Variants in SHC2 observed in about 807,000 individuals in gnomAD.
The protein encoded by SHC2 is SHC-transforming protein 2.
A neutral mutation model predicts 60.6 loss-of-function variants in SHC2; 62 were observed. The ratio of observed to expected loss-of-function variants is 1.02; its 90% CI spans 0.83 to 1.26. The LOEUF is 1.26. Among genes scored for constraint, SHC2 ranks in the 50% most tolerant of loss-of-function variants. The pLI, the probability that SHC2 is intolerant of heterozygous loss-of-function variation, is 0.00. For missense variants in SHC2, 873 were observed against 822.2 expected (o/e 1.06, Z -0.76); for synonymous variants, 375 against 372.4 (o/e 1.01, Z -0.08).
chr19:454,684 G>A (rs957281251), intron 1 of SHC2, among the ~76,000 whole-genome samples: 14 of 152,200 alleles, frequency 9.2e-5, no homozygotes, highest in African/African-American at 2.9e-4. Context: ...CAGCTACTCA[G>A]GAGGCTGAGG....
Position 422,281 on chromosome 19 carries a change from C to A in SHC2, c.1485G>T (p.Arg495=). 1 of 1,612,414 alleles carries A rather than the reference C, an allele frequency of 6.2e-7. No homozygotes were observed. The highest frequency in any genetic ancestry group is 8.5e-7 in the Non-Finnish European group (1 of 1,179,678). Residue 495 remains arginine, a synonymous_variant, in exon 11 of 13, where the codon CGG becomes CGT. Transcript: ENST00000264554. This position sits in a 1 kb window ranked among gnomAD's most constrained non-coding sequence, Gnocchi z 5.0. ...CAGCTCGAAGCATCCTCTCTGCCGC[C>A]CGGCGGCTCATCCGGCCGTGGTACC... ...EPWYHGRMSR[R]AAERMLRADG...
Position 425,023 on chromosome 19 carries a change from G to T in SHC2, c.1309+74C>A. On this transcript the variant is annotated intron_variant, in intron 10 of 12. Transcript: ENST00000264554. This position sits in a 1 kb window ranked among gnomAD's most constrained non-coding sequence, Gnocchi z 4.1. ...GACCAGGGAATCCCGTAGGGAGTGG[G>T]GGTGGGGTTGTGCCTCCCCCATCAG... The T allele has an allele frequency of 7.6e-7, 1 of 1,308,952 alleles. No individual in the cohort carries two copies. Among genetic ancestry groups the T allele is most frequent in the Non-Finnish European group, 9.9e-7 (1 of 1,007,966 alleles). 81.1% of individuals were successfully genotyped at this position (1,308,952 alleles called of 1,614,324 possible).
Position 436,063 on chromosome 19 carries a change from G to A in SHC2, c.953+102C>T, listed in dbSNP as rs978331267. ...TCACGGGACAGGGAGGGAGGGACAAGGGCAGGACGGAGGCTGAGGCCTGCA... is the reference window on the plus strand; with the variant it reads ...TCACGGGACAGGGAGGGAGGGACAAAGGCAGGACGGAGGCTGAGGCCTGCA... On this transcript the variant is annotated intron_variant, in intron 7 of 12. Transcript: ENST00000264554. The A allele has an allele frequency of 3.1e-6, 4 of 1,302,734 alleles. No homozygotes were observed. The African/African-American group carries it at 5.8e-5, about 19-fold the overall frequency. The allele number at this position is 1,302,734 out of a possible 1,614,324, so 80.7% of individuals were successfully genotyped here.
rs549557507 is a variant in SHC2, at chr19:444,873, G to A, written c.469-3941C>T. 1.2e-4 allele frequency among the ~76,000 whole-genome samples: 18 copies of A among 152,346 alleles called. No individual in the cohort carries two copies. In the South Asian group the frequency reaches 3.5e-3, roughly 30 times the overall value. On this transcript the variant is annotated intron_variant, in intron 1 of 12. Coordinates refer to ENST00000264554, the MANE Select transcript of SHC2 (RefSeq NM_012435.3). ...CACGTGGTCTGTTAATCCACTCCAC[G>A]CAAATCCACATGCCATGGGCAGCAA... is the stretch of plus-strand genomic sequence containing the variant.
In SHC2 at chr19:439,009, A is replaced by G. The variant is rs1358229496; in HGVS notation, c.561T>C (p.His187=). 1.1e-5 allele frequency: 18 copies of G among 1,570,972 alleles called. No homozygotes were observed. The highest frequency in any genetic ancestry group is 1.5e-5 in the Non-Finnish European group (17 of 1,158,458). Reference sequence around the variant, plus strand: ...ATCCCCGGACGCCAGGCACGGCCTCATGGAGCCGGTTGATGGCTTCCCTGG... The same window carrying G: ...ATCCCCGGACGCCAGGCACGGCCTCGTGGAGCCGGTTGATGGCTTCCCTGG... ...QVTREAINRL[H]EAVPGVRGSW... is the part of the protein sequence containing the mutation. The change falls in exon 3 of 13, where the codon CAT becomes CAC. Residue 187 remains histidine, a synonymous_variant. Coordinates refer to ENST00000264554, the MANE Select transcript of SHC2 (RefSeq NM_012435.3).
Position 424,956 on chromosome 19 carries a change from G to C in SHC2, c.1309+141C>G. On this transcript the variant is annotated intron_variant, in intron 10 of 12. Coordinates refer to ENST00000264554, the MANE Select transcript of SHC2 (RefSeq NM_012435.3). The surrounding 1 kb of genome is among the most constrained non-coding windows in gnomAD (Gnocchi z 4.5). The stretch of plus-strand genomic sequence containing the variant: ...ACTGGGCTTCCCCGTCCCACCCGTC[G>C]ACTTGAAGGATCTCACGGGGAGAAG... The C allele has an allele frequency of 1.1e-6, 1 of 936,668 alleles. No homozygotes were observed. Among genetic ancestry groups the C allele is most frequent in the Admixed American group, 3.2e-5 (1 of 31,318 alleles). 58.0% of individuals were successfully genotyped at this position (936,668 alleles called of 1,614,324 possible).
intron 2 of SHC2, 44 bp from the exon 3 acceptor site, chr19:439,074 C>T (rs757453362): frequency 5.1e-6 from 7 of 1,371,294 alleles, no homozygotes; most frequent in Non-Finnish European, 7.0e-6. Flanking sequence ...GTGGGGGTGG[C>T]CATGGAGGGA....
intron 11 of SHC2, chr19:419,272 C>T (rs939648316): frequency 1.7e-5 from 9 of 529,342 alleles, no homozygotes; most frequent in Admixed American, 1.3e-4. Context: ...GTTCTGGGGC[C>T]ACGCTTCCTG....
intron 1 of SHC2, among the ~76,000 whole-genome samples, chr19:451,705 C>G (rs760643357): frequency 6.6e-6 from 1 of 152,170 alleles, no homozygotes; most frequent in Non-Finnish European, 1.5e-5. Flanking sequence ...TCAAGCGATT[C>G]TCCTGCCTCA....
At chr19:429,562 C>T (rs551225402) in intron 9 of SHC2, among the ~76,000 whole-genome samples, 2 of 149,658 alleles carry the variant, frequency 1.3e-5, no homozygotes, top group African/African-American at 4.9e-5. Flanking sequence ...GCACAGAAAC[C>T]TAACACCGTG....
At chr19:456,765 G>A (rs540920254) in intron 1 of SHC2, among the ~76,000 whole-genome samples, 2 of 150,508 alleles carry the variant, frequency 1.3e-5, no homozygotes, top group South Asian at 4.2e-4. Flanking sequence ...TGCACCTGCT[G>A]TGCCCCGTCT....
rs1230470646 is a variant in SHC2 at position 445,409 on chromosome 19, C to T, written c.469-4477G>A. On this transcript the variant is annotated intron_variant, in intron 1 of 12. Coordinates refer to ENST00000264554, the MANE Select transcript of SHC2 (RefSeq NM_012435.3). The surrounding 1 kb of genome is among the most constrained non-coding windows in gnomAD (Gnocchi z 4.4). The stretch of plus-strand genomic sequence containing the variant: ...ACACTGAATCTTCCGGCGCCTCGAT[C>T]GTGGCCCTCCCAGCCTCCAGAACCG... 1.3e-5 allele frequency among the ~76,000 whole-genome samples: 2 copies of T among 152,178 alleles called. No homozygotes were observed. Among genetic ancestry groups the T allele is most frequent in the African/African-American group, 2.4e-5 (1 of 41,442 alleles).
chr19:434,296 A>ATGAGTGAGTGAGATCG (rs1974652346), intron 8 of SHC2, among the ~76,000 whole-genome samples: 1 of 1,464 alleles, frequency 6.8e-4, no homozygotes, highest in Non-Finnish European at 1.3e-3. Context: ...GAGTGAGATC[A>ATGAGTGAGTGAGATCG]TGAGTGAGTG....
chr19:434,784 C>G lies in SHC2; in HGVS notation c.1035G>C (p.Lys345Asn). The change falls in exon 8 of 13, where the codon AAG becomes AAC. Residue 345 changes from lysine to asparagine, a missense_variant. Transcript: ENST00000264554. ...EHNYYNSIPG[K>N]EPPLGGLVDS... ...CCACTAGCCCGCCCAGCGGCGGCTC[C>G]TTCCCCGGGATGCTGTTGTAGTAAT... 1.2e-6 allele frequency: 2 copies of G among 1,612,878 alleles called. No homozygotes were observed. The highest frequency in any genetic ancestry group is 1.7e-6 in the Non-Finnish European group (2 of 1,179,824).
chr19:429,287 G>A (rs1354278186), intron 9 of SHC2, among the ~76,000 whole-genome samples: 5 of 142,794 alleles, frequency 3.5e-5, no homozygotes, highest in East Asian at 2.2e-4. Context: ...TGTGGATGAC[G>A]CAGTACCTAT....
At chr19:423,584 C>T (rs375931110) in intron 10 of SHC2, among the ~76,000 whole-genome samples, 1 of 60,532 alleles carries the variant, frequency 1.7e-5, no homozygotes, top group Non-Finnish European at 2.9e-5. Context: ...CCTGGTCTCC[C>T]GCCCCTCCAG....
chr19:436,015 G>C lies in SHC2; in HGVS notation c.953+150C>G, dbSNP rs75386846. 6,147 of 821,302 alleles carry C rather than the reference G, an allele frequency of 7.5e-3. 52 individuals are homozygous for C. The highest frequency in any genetic ancestry group is 0.033 in the African/African-American group (1,949 of 58,582). 50.9% of individuals were successfully genotyped at this position (821,302 alleles called of 1,614,324 possible). A position where few individuals can be genotyped will look rare whatever the true frequency, so the allele number is the denominator to read the frequency against. On this transcript the variant is annotated intron_variant, in intron 7 of 12. Transcript: ENST00000264554. ...CGGGTGTTAACAGCCGAGGAAACAGGATCCTCTGGCTGAGCCATATTCTCA... is the reference window on the plus strand; with the variant it reads ...CGGGTGTTAACAGCCGAGGAAACAGCATCCTCTGGCTGAGCCATATTCTCA...
Position 425,013 on chromosome 19 carries a change from T to G in SHC2, c.1309+84A>C, listed in dbSNP as rs1974374319. 1 of 1,290,658 alleles carries G rather than the reference T, an allele frequency of 7.7e-7. No individual in the cohort carries two copies. The highest frequency in any genetic ancestry group is 1.0e-6 in the Non-Finnish European group (1 of 995,458). The allele number at this position is 1,290,658 out of a possible 1,614,324, so 80.0% of individuals were successfully genotyped here. On this transcript the variant is annotated intron_variant, in intron 10 of 12. Coordinates refer to ENST00000264554, the MANE Select transcript of SHC2 (RefSeq NM_012435.3). This position sits in a 1 kb window ranked among gnomAD's most constrained non-coding sequence, Gnocchi z 4.1. ...TCCCCCATCAGACCAGGGAATCCCGTAGGGAGTGGGGGTGGGGTTGTGCCT... is the reference window on the plus strand; with the variant it reads ...TCCCCCATCAGACCAGGGAATCCCGGAGGGAGTGGGGGTGGGGTTGTGCCT...
In SHC2 at chr19:460,617, CG is replaced by C; in HGVS notation, c.379del (p.Arg127GlyfsTer52). The C allele has an allele frequency of 7.4e-7, 1 of 1,343,552 alleles. No homozygotes were observed. Among genetic ancestry groups the C allele is most frequent in the South Asian group, 1.8e-5 (1 of 56,480 alleles). 83.2% of individuals were successfully genotyped at this position (1,343,552 alleles called of 1,614,324 possible). ...GDAAAAAEWIRKGSFIHKPAH... is the reference protein window; with the variant it reads ...GDAAAAAEWIXKGSFIHKPAH... ...GGGTTTGTGGATGAAGCTGCCCTTC[CG>C]GATCCACTCGGCGGCGGCGGCGGCG... On this transcript the variant is annotated frameshift_variant, in exon 1 of 13. Coordinates refer to ENST00000264554, the MANE Select transcript of SHC2 (RefSeq NM_012435.3). LOFTEE classifies it high-confidence loss of function.
Sources: gnomAD v4.1 joint callset for allele counts (sites outside exome capture counted in the v4.1 genomes callset) on GRCh38, gnomAD v4.1.1 for gene constraint, Gnocchi (gnomAD v3.1) non-coding constraint, MANE v1.5 for transcripts, NCBI Gene and HGNC (gene_info 2026-07-23, HGNC 2026-07-21) for gene names.